AUTS2: variants seen among roughly 807,000 people sequenced by gnomAD.
AUTS2 encodes activator of transcription and developmental regulator AUTS2.
In AUTS2, 17 loss-of-function variants were observed where a neutral mutation model predicts 112.4. The observed-to-expected ratio is 0.15, with a 90% CI of 0.10 to 0.23. The LOEUF (loss-of-function observed/expected upper bound fraction) is 0.23, where lower values mean the gene tolerates loss of function less well. Among genes scored for constraint, AUTS2 ranks in the 10% least tolerant of loss-of-function variants. The pLI is 1.00. For missense variants in AUTS2, 1,510 were observed against 1,701.6 expected (o/e 0.89, Z 1.98); for synonymous variants, 751 against 702.7 (o/e 1.07, Z -1.09).
chr7:70,472,005 G>A (rs1325723440), intron 5 of AUTS2, among the ~76,000 whole-genome samples: 1 of 152,154 alleles, frequency 6.6e-6, no homozygotes, highest in Admixed American at 6.5e-5. Flanking sequence ...GTCTGCCTTT[G>A]CCCTCAATAA....
intron 1 of AUTS2, among the ~76,000 whole-genome samples, chr7:69,668,655 T>A (rs974657630): frequency 1.3e-5 from 2 of 152,198 alleles, no homozygotes; most frequent in Non-Finnish European, 2.9e-5. Flanking sequence ...GCTGGTTATG[T>A]CACTTGGCTA....
In AUTS2 at chr7:70,207,432, A is replaced by G. The variant is rs545224440; in HGVS notation, c.660+72861A>G. Reference sequence around the variant, plus strand: ...GTAGGATTTGATTTGAAAAAAATGTATGAAGAATTAGAAGAAAAGAAATTT... The same window carrying G: ...GTAGGATTTGATTTGAAAAAAATGTGTGAAGAATTAGAAGAAAAGAAATTT... On this transcript the variant is annotated intron_variant, in intron 4 of 18. Transcript: ENST00000342771. Among the ~76,000 whole-genome samples the G allele has an allele frequency of 2.0e-5, 3 of 152,354 alleles. No homozygotes were observed. In the East Asian group the frequency reaches 5.8e-4, roughly 29 times the overall value.
At chr7:70,341,086 A>G (rs373588671) in intron 4 of AUTS2, among the ~76,000 whole-genome samples, 2 of 152,324 alleles carry the variant, frequency 1.3e-5, no homozygotes, top group Admixed American at 6.5e-5. Context: ...TTACTGTATA[A>G]TGAGTTTATT....
At chr7:70,067,176 A>C (rs934993164) in intron 2 of AUTS2, among the ~76,000 whole-genome samples, 2 of 152,226 alleles carry the variant, frequency 1.3e-5, no homozygotes, top group African/African-American at 4.8e-5. Context: ...CCAAAAGAGA[A>C]TCATCATTAA....
intron 4 of AUTS2, among the ~76,000 whole-genome samples, chr7:70,330,796 C>A (rs977323319): frequency 2.6e-5 from 4 of 152,212 alleles, no homozygotes; most frequent in East Asian, 1.9e-4. Flanking sequence ...TTTAAAATTT[C>A]TTTTAGTAAT....
intron 4 of AUTS2, among the ~76,000 whole-genome samples, chr7:70,323,911 A>C (rs575688908): frequency 2.0e-5 from 3 of 151,400 alleles, no homozygotes; most frequent in South Asian, 2.1e-4. Context: ...TAAAATGAAC[A>C]CAGAGTCTAT....
chr7:69,702,022 G>T (rs1316004191), intron 1 of AUTS2, among the ~76,000 whole-genome samples: 1 of 152,240 alleles, frequency 6.6e-6, no homozygotes, highest in East Asian at 1.9e-4. Flanking sequence ...ATCAGAGCTA[G>T]AAGGAACATG....
At chr7:70,023,161 T>C (rs1022213205) in intron 2 of AUTS2, among the ~76,000 whole-genome samples, 10 of 152,212 alleles carry the variant, frequency 6.6e-5, no homozygotes, top group African/African-American at 2.4e-4. Flanking sequence ...TGGTGACTTC[T>C]CAATTAACTT....
At chr7:70,753,771 G>T (rs1789009587) in intron 6 of AUTS2, among the ~76,000 whole-genome samples, 1 of 152,228 alleles carries the variant, frequency 6.6e-6, no homozygotes, top group Non-Finnish European at 1.5e-5. Context: ...CAGTAGGGCG[G>T]TTGGGGTTTT....
intron 4 of AUTS2, among the ~76,000 whole-genome samples, chr7:70,193,461 A>C (rs757925095): frequency 3.9e-5 from 6 of 152,244 alleles, no homozygotes; most frequent in Non-Finnish European, 8.8e-5. Flanking sequence ...CCTGCCTTCT[A>C]CATAGTATCC....
chr7:70,319,779 T>C (rs1790166347), intron 4 of AUTS2, among the ~76,000 whole-genome samples: 1 of 152,210 alleles, frequency 6.6e-6, no homozygotes, highest in Admixed American at 6.5e-5. Context: ...CAAACAACCT[T>C]GATAAATTAC....
At chr7:70,719,073 T>G (rs1810528794) in intron 6 of AUTS2, among the ~76,000 whole-genome samples, 1 of 152,180 alleles carries the variant, frequency 6.6e-6, no homozygotes, top group Admixed American at 6.5e-5. Context: ...TTCTGATCAC[T>G]TCAATTAACC....
At chr7:70,322,692 A>C (rs537212147) in intron 4 of AUTS2, among the ~76,000 whole-genome samples, 2 of 152,318 alleles carry the variant, frequency 1.3e-5, no homozygotes, top group African/African-American at 4.8e-5. Flanking sequence ...AAGAGGACCA[A>C]ACCAAAGAAA....
intron 1 of AUTS2, among the ~76,000 whole-genome samples, chr7:69,807,490 C>T (rs1007158773): frequency 1.3e-5 from 2 of 152,116 alleles, no homozygotes; most frequent in Admixed American, 6.5e-5. Context: ...ACTTGTCAGA[C>T]TCTTCATCAG....
At chr7:70,374,297 G>C (rs1444952575) in intron 4 of AUTS2, among the ~76,000 whole-genome samples, 1 of 152,092 alleles carries the variant, frequency 6.6e-6, no homozygotes, top group Admixed American at 6.6e-5. Context: ...TCAACATGAG[G>C]TTCTTTTAAA....
At chr7:70,384,127 C>T (rs1436246226) in intron 4 of AUTS2, among the ~76,000 whole-genome samples, 1 of 152,244 alleles carries the variant, frequency 6.6e-6, no homozygotes, top group Non-Finnish European at 1.5e-5. Flanking sequence ...CCCCACCGCC[C>T]CTCCTGCCAT....
At position 69,848,381 on chromosome 7, in the gene AUTS2, G is replaced by A. The variant is rs76194159; in HGVS notation, c.310-50905G>A. 2.6e-4 allele frequency among the ~76,000 whole-genome samples: 40 copies of A among 152,336 alleles called. No individual in the cohort carries two copies. The East Asian group carries it at 6.0e-3, about 23-fold the overall frequency. The stretch of plus-strand genomic sequence containing the variant: ...TAATAGGAATATGAGAGCAGAGCAC[G>A]TTGCTGCCAGCAGCTGCTAGTAAAT... On this transcript the variant is annotated intron_variant, in intron 1 of 18. Coordinates refer to ENST00000342771, the MANE Select transcript of AUTS2 (RefSeq NM_015570.4).
At chr7:70,018,030 T>A (rs1800108332) in intron 2 of AUTS2, among the ~76,000 whole-genome samples, 1 of 152,038 alleles carries the variant, frequency 6.6e-6, no homozygotes, top group Admixed American at 6.5e-5. Flanking sequence ...TTGGTTTTGA[T>A]GGTCATTTCA....
chr7:69,930,398 C>T (rs1369603116), intron 2 of AUTS2, among the ~76,000 whole-genome samples: 2 of 152,152 alleles, frequency 1.3e-5, no homozygotes, highest in Non-Finnish European at 2.9e-5. Context: ...CTCAATTCAT[C>T]GAGTTGGCCT....
Sources: allele counts gnomAD v4.1 joint callset (sites outside exome capture counted in the v4.1 genomes callset), GRCh38; gene constraint gnomAD v4.1.1; transcripts MANE v1.5; gene names NCBI Gene and HGNC (gene_info 2026-07-23, HGNC 2026-07-21).